Variants in CADM2 observed in about 807,000 individuals in gnomAD.
CADM2 encodes the protein cell adhesion molecule 2.
CADM2 carries 12 observed loss-of-function variants against 49.8 expected under a neutral mutation model. That is an observed-to-expected ratio of 0.24 (90% confidence interval 0.15 to 0.39). The LOEUF (loss-of-function observed/expected upper bound fraction) is 0.39. Among genes scored for constraint, CADM2 ranks in the 10% least tolerant of loss-of-function variants. The pLI is 1.00. For synonymous variants in CADM2, 214 were observed against 175.4 expected (o/e 1.22, Z -1.74); for missense variants, 378 against 492.3 (o/e 0.77, Z 2.20).
chr3:85,731,758 G>GTACATAAATAATTAA (rs2067940000), intron 2 of CADM2, among the ~76,000 whole-genome samples: 1 of 151,612 alleles, frequency 6.6e-6, no homozygotes, highest in Non-Finnish European at 1.5e-5. Flanking sequence ...GTACATAAAT[G>GTACATAAATAATTAA]ATATTATTAA....
At chr3:85,752,566 A>G (rs2068911290) in intron 2 of CADM2, among the ~76,000 whole-genome samples, 1 of 152,004 alleles carries the variant, frequency 6.6e-6, no homozygotes, top group Non-Finnish European at 1.5e-5. Flanking sequence ...GATTCTGACT[A>G]TATGAAAGGA....
At chr3:85,333,344 G>A (rs904375571) in intron 1 of CADM2, among the ~76,000 whole-genome samples, 2 of 151,474 alleles carry the variant, frequency 1.3e-5, no homozygotes, top group African/African-American at 4.8e-5. Flanking sequence ...ATACCTTCAG[G>A]TAAGCATTTT....
At chr3:85,849,895 A>AT (rs138917403) in intron 3 of CADM2, among the ~76,000 whole-genome samples, 33,671 of 151,986 alleles carry the variant, frequency 0.22, 3,810 homozygotes, top group Admixed American at 0.24. Flanking sequence ...TATTACCAAG[A>AT]AAATGATTTA....
chr3:86,054,761 T>C (rs1031418067), intron 8 of CADM2, among the ~76,000 whole-genome samples: 11 of 152,158 alleles, frequency 7.2e-5, no homozygotes, highest in Non-Finnish European at 1.6e-4. Flanking sequence ...ATTTTACTCT[T>C]AGGCGAAAAT....
At chr3:85,384,703 T>TTG (rs200646433) in intron 1 of CADM2, among the ~76,000 whole-genome samples, 1 of 151,648 alleles carries the variant, frequency 6.6e-6, no homozygotes. Context: ...GAGTGTATAC[T>TTG]TGTGTGTGTA....
At chr3:85,438,341 T>C (rs565319861) in intron 1 of CADM2, among the ~76,000 whole-genome samples, 21 of 146,568 alleles carry the variant, frequency 1.4e-4, no homozygotes, top group African/African-American at 5.0e-4. Flanking sequence ...CTTATGCATG[T>C]TGGGTTCCAA....
chr3:85,782,059 C>T (rs1186082060), intron 2 of CADM2, among the ~76,000 whole-genome samples: 1 of 152,176 alleles, frequency 6.6e-6, no homozygotes, highest in African/African-American at 2.4e-5. Context: ...GGCTTTTGCC[C>T]AGCAGCCACT....
intron 1 of CADM2, among the ~76,000 whole-genome samples, chr3:85,025,780 T>G (rs2034696419): frequency 6.6e-6 from 1 of 152,162 alleles, no homozygotes; most frequent in Admixed American, 6.6e-5. Context: ...TAAACAAAGT[T>G]ATCAATTCTG....
intron 1 of CADM2, among the ~76,000 whole-genome samples, chr3:85,724,700 A>C (rs2107777577): frequency 6.6e-6 from 1 of 152,066 alleles, no homozygotes; most frequent in Admixed American, 6.5e-5. Flanking sequence ...GGTTTTTATA[A>C]GAACTGCAAA....
intron 8 of CADM2, among the ~76,000 whole-genome samples, chr3:85,965,685 T>G (rs1057117400): frequency 6.6e-6 from 1 of 151,642 alleles, no homozygotes; most frequent in Non-Finnish European, 1.5e-5. Context: ...CCTTGTTCTC[T>G]AATGCAACAT....
In CADM2 at chr3:85,647,513, C is replaced by G. The variant is rs114160616; in HGVS notation, c.62-79009C>G. On this transcript the variant is annotated intron_variant, in intron 1 of 9. Coordinates refer to ENST00000383699, the MANE Select transcript of CADM2 (RefSeq NM_001167675.2). ...AAAGGACAACCCTTTACAATACACA[C>G]TAAAGTTAATCTGTTTTAGAGACTT... Among the ~76,000 whole-genome samples the G allele has an allele frequency of 5.4e-3, 820 of 151,770 alleles. 4 individuals are homozygous for G. The highest frequency in any genetic ancestry group is 0.01 in the Middle Eastern group (3 of 286).
chr3:85,706,985 G>C (rs952291328), intron 1 of CADM2, among the ~76,000 whole-genome samples: 2 of 151,806 alleles, frequency 1.3e-5, no homozygotes, highest in African/African-American at 2.4e-5. Context: ...TTTAATTTTT[G>C]AGACTAGCTT....
intron 1 of CADM2, among the ~76,000 whole-genome samples, chr3:85,334,737 T>C (rs2045030439): frequency 6.6e-6 from 1 of 151,536 alleles, no homozygotes; most frequent in South Asian, 2.1e-4. Flanking sequence ...TTCAAACTTA[T>C]AATATTTCAT....
At chr3:85,770,591 A>C in intron 2 of CADM2, among the ~76,000 whole-genome samples, 1 of 152,136 alleles carries the variant, frequency 6.6e-6, no homozygotes. Flanking sequence ...AGTGCCAAAT[A>C]TCCAAATGCA....
At chr3:85,698,223 AG>A (rs1377665555) in intron 1 of CADM2, among the ~76,000 whole-genome samples, 29 of 152,296 alleles carry the variant, frequency 1.9e-4, no homozygotes, top group Middle Eastern at 3.4e-3. Context: ...CAGCTGTCAG[AG>A]GGGCTGGTCC....
At chr3:85,891,216 T>C (rs1681214468) in intron 5 of CADM2, among the ~76,000 whole-genome samples, 1 of 152,220 alleles carries the variant, frequency 6.6e-6, no homozygotes, top group South Asian at 2.1e-4. Context: ...TGCTACTTAG[T>C]GTGAGAAAAG....
intron 3 of CADM2, among the ~76,000 whole-genome samples, chr3:85,865,373 ATGTG>A (rs1177979103): frequency 1.3e-5 from 2 of 152,002 alleles, no homozygotes; most frequent in Non-Finnish European, 2.9e-5. Context: ...TCCAAATAAA[ATGTG>A]TGTATGTTGC....
intron 1 of CADM2, among the ~76,000 whole-genome samples, chr3:85,014,945 C>T (rs546937096): frequency 2.6e-5 from 4 of 152,118 alleles, no homozygotes; most frequent in Non-Finnish European, 5.9e-5. Flanking sequence ...TCTTTTTATG[C>T]CTACTTTCTA....
At chr3:85,122,113 C>T (rs1028374877) in intron 1 of CADM2, among the ~76,000 whole-genome samples, 2 of 152,030 alleles carry the variant, frequency 1.3e-5, no homozygotes, top group Admixed American at 1.3e-4. Context: ...TCACCTCTCT[C>T]ATCCTGTTTA....
Sources: allele counts gnomAD v4.1 joint callset (sites outside exome capture counted in the v4.1 genomes callset), GRCh38; gene constraint gnomAD v4.1.1; transcripts MANE v1.5; gene names NCBI Gene and HGNC (gene_info 2026-07-23, HGNC 2026-07-21).